The following SLC35D1 variants were observed in gnomAD, a reference collection of about 807,000 sequenced individuals.
The protein encoded by SLC35D1 is nucleotide sugar transporter SLC35D1.
In SLC35D1, 31 loss-of-function variants were observed where a neutral mutation model predicts 46.7. The ratio of observed to expected loss-of-function variants is 0.66; its 90% CI spans 0.50 to 0.90. The LOEUF (loss-of-function observed/expected upper bound fraction) is 0.90, where lower values mean the gene tolerates loss of function less well. Among genes scored for constraint, SLC35D1 ranks in the 40% least tolerant of loss-of-function variants. The pLI is 0.00. For missense variants in SLC35D1, 397 were observed against 426.2 expected (o/e 0.93, Z 0.60); for synonymous variants, 195 against 164.6 (o/e 1.18, Z -1.41).
chr1:66,990,850 C>T, the SLC35D1 span, among the ~76,000 whole-genome samples: 1 of 152,168 alleles, frequency 6.6e-6, no homozygotes, highest in South Asian at 2.1e-4. Flanking sequence ...CTATTTCCCC[C>T]TCCGACAGTA....
the SLC35D1 span, among the ~76,000 whole-genome samples, chr1:66,992,736 G>T: frequency 2.0e-5 from 3 of 152,226 alleles, no homozygotes; most frequent in Non-Finnish European, 2.9e-5. Flanking sequence ...GGTTAGGCAG[G>T]TAGGTCTTCA....
intron 8 of SLC35D1, among the ~76,000 whole-genome samples, chr1:67,026,830 T>C (rs1033690884): frequency 2.0e-5 from 3 of 152,142 alleles, no homozygotes; most frequent in Non-Finnish European, 4.4e-5. Flanking sequence ...CTTACAATCA[T>C]GGCAGAAGGC....
At position 67,021,724 on chromosome 1, in the gene SLC35D1, GAC is replaced by G. The variant is rs35069681; in HGVS notation, c.730-124_730-123del. ...AGACACAGACACAGACACAGACACA[GAC>G]ACACACACACACACACACACACACA... On this transcript the variant is annotated intron_variant, in intron 8 of 11. Coordinates refer to ENST00000235345, the MANE Select transcript of SLC35D1 (RefSeq NM_015139.3). 22,750 of 417,172 alleles carry G rather than the reference GAC, an allele frequency of 0.055. 175 individuals carry two copies. The highest frequency in any genetic ancestry group is 0.082 in the Middle Eastern group (148 of 1,810). The allele number at this position is 417,172 out of a possible 1,614,324, so 25.8% of individuals were successfully genotyped here.
At chr1:66,991,024 T>A in the SLC35D1 span, among the ~76,000 whole-genome samples, 2 of 152,176 alleles carry the variant, frequency 1.3e-5, no homozygotes, top group African/African-American at 4.8e-5. Flanking sequence ...GGCTACTCTT[T>A]CCAGTGATTG....
At chr1:67,040,563 G>C (rs1668221212) in intron 8 of SLC35D1, among the ~76,000 whole-genome samples, 1 of 152,148 alleles carries the variant, frequency 6.6e-6, no homozygotes, top group Admixed American at 6.5e-5. Context: ...TGAAGAGTCT[G>C]GTCTTTGCAG....
the SLC35D1 span, chr1:66,987,849 T>G: frequency 6.6e-6 from 1 of 152,256 alleles, no homozygotes; most frequent in African/African-American, 2.4e-5. Flanking sequence ...TTACCACATC[T>G]TGGGTGATGT....
intron 8 of SLC35D1, among the ~76,000 whole-genome samples, chr1:67,041,066 G>A (rs1668232930): frequency 6.6e-6 from 1 of 151,886 alleles, no homozygotes; most frequent in East Asian, 1.9e-4. Flanking sequence ...AGTAAAATAG[G>A]TATAATTAAA....
At chr1:66,985,928 A>G in the SLC35D1 span, 1 of 983,956 alleles carries the variant, frequency 1.0e-6, no homozygotes. Context: ...TATAATTTTC[A>G]AAATTATTTT....
intron 10 of SLC35D1, among the ~76,000 whole-genome samples, chr1:67,017,810 G>A (rs191108925): frequency 3.3e-5 from 5 of 152,226 alleles, no homozygotes; most frequent in Admixed American, 1.3e-4. Context: ...GGACACAAAT[G>A]TTTAATCCAT....
At chr1:67,052,142 CA>C in intron 3 of SLC35D1, 63 bp from the exon 4 acceptor site, 1 of 1,141,836 alleles carries the variant, frequency 8.8e-7, no homozygotes, top group South Asian at 1.3e-5. Context: ...AAGGTCCTTT[CA>C]AACAGAAACA....
At chr1:67,053,649 T>A (rs1645336315) in intron 1 of SLC35D1, among the ~76,000 whole-genome samples, 162 bp downstream of exon 1, 1 of 151,932 alleles carries the variant, frequency 6.6e-6, no homozygotes, top group South Asian at 2.1e-4. Flanking sequence ...CCAGGCCGGC[T>A]CCGCTGCCCG....
chr1:67,029,229 C>T (rs1389062297), intron 8 of SLC35D1, among the ~76,000 whole-genome samples: 2 of 152,172 alleles, frequency 1.3e-5, no homozygotes, highest in Non-Finnish European at 2.9e-5. Context: ...AGTATGTGTA[C>T]ATATATGGAC....
At chr1:67,008,690 A>G (rs569389518) in intron 11 of SLC35D1, among the ~76,000 whole-genome samples, 2 of 152,266 alleles carry the variant, frequency 1.3e-5, no homozygotes, top group Admixed American at 1.3e-4. Flanking sequence ...CCATTCCAAA[A>G]ATATACACTA....
In SLC35D1 at chr1:67,004,261, C is replaced by T; in HGVS notation, c.*79G>A. On this transcript the variant is annotated 3_prime_UTR_variant, in exon 12 of 12. Coordinates refer to ENST00000235345, the MANE Select transcript of SLC35D1 (RefSeq NM_015139.3). ...TATTTCCTCCATAATCAAGACACCT[C>T]AGTGTCTCTGTAGGAACTGCCAGTG... is the stretch of plus-strand genomic sequence containing the variant. The T allele has an allele frequency of 8.7e-7, 1 of 1,149,048 alleles. No individual in the cohort carries two copies. Among genetic ancestry groups the T allele is most frequent in the South Asian group, 1.2e-5 (1 of 81,226 alleles). 71.2% of individuals were successfully genotyped at this position (1,149,048 alleles called of 1,614,324 possible). A position where few individuals can be genotyped will look rare whatever the true frequency, so the allele number is the denominator to read the frequency against.
chr1:66,986,842 T>C, the SLC35D1 span: 1 of 167,764 alleles, frequency 6.0e-6, no homozygotes, highest in Non-Finnish European at 1.3e-5. Context: ...TTCTAAATCA[T>C]TTTTTATTAA....
At chr1:66,999,335 G>A (rs1328116412), downstream of SLC35D1, 3 of 152,238 alleles carry the variant, frequency 2.0e-5, no homozygotes, top group Admixed American at 6.5e-5. Flanking sequence ...TTCTGGCTCT[G>A]GATTAGTCTC....
At chr1:67,024,673 C>A (rs1467912019) in intron 8 of SLC35D1, among the ~76,000 whole-genome samples, 2 of 152,074 alleles carry the variant, frequency 1.3e-5, no homozygotes, top group Non-Finnish European at 2.9e-5. Context: ...AGAGGTATCA[C>A]CCTGATGTCT....
At chr1:67,031,363 C>T (rs541631299) in intron 8 of SLC35D1, among the ~76,000 whole-genome samples, 2 of 152,068 alleles carry the variant, frequency 1.3e-5, no homozygotes, top group Non-Finnish European at 2.9e-5. Flanking sequence ...CCCTGGCAGT[C>T]CCTACAGTGC....
At chr1:66,974,173 A>G in the SLC35D1 span, among the ~76,000 whole-genome samples, 1 of 151,952 alleles carries the variant, frequency 6.6e-6, no homozygotes, top group African/African-American at 2.4e-5. Flanking sequence ...ATTTTGTTGA[A>G]TGTTGGCAGT....
Sources: gnomAD v4.1 joint callset for allele counts (sites outside exome capture counted in the v4.1 genomes callset) on GRCh38, gnomAD v4.1.1 for gene constraint, MANE v1.5 for transcripts, NCBI Gene and HGNC (gene_info 2026-07-23, HGNC 2026-07-21) for gene names.